Variants in ARHGAP15 observed in about 807,000 individuals in gnomAD.
ARHGAP15 encodes the protein Rho GTPase activating protein 15.
In ARHGAP15, 51 loss-of-function variants were observed where a neutral mutation model predicts 63.7. The ratio of observed to expected loss-of-function variants is 0.80; its 90% CI spans 0.64 to 1.01. The LOEUF (loss-of-function observed/expected upper bound fraction) is 1.01. Among genes scored for constraint, ARHGAP15 ranks in the 50% least tolerant of loss-of-function variants. ARHGAP15 has a pLI of 0.00. For missense variants in ARHGAP15, 560 were observed against 564.6 expected, an observed-to-expected ratio of 0.99 and a Z score of 0.08; for synonymous variants, 191 against 193.8, an observed-to-expected ratio of 0.99 and a Z score of 0.12.
intron 6 of ARHGAP15, among the ~76,000 whole-genome samples, chr2:143,327,525 C>T (rs1684311418): frequency 6.6e-6 from 1 of 152,140 alleles, no homozygotes; most frequent in African/African-American, 2.4e-5. Context: ...AACAAAACAG[C>T]TTGGTACTGG....
chr2:143,503,624 G>A (rs1197276848), intron 9 of ARHGAP15, among the ~76,000 whole-genome samples: 2 of 152,198 alleles, frequency 1.3e-5, no homozygotes, highest in East Asian at 3.8e-4. Flanking sequence ...TCACCTGACT[G>A]CAGAGAACAC....
At chr2:143,249,530 T>C (rs1206461796) in intron 5 of ARHGAP15, among the ~76,000 whole-genome samples, 4 of 152,124 alleles carry the variant, frequency 2.6e-5, no homozygotes, top group Non-Finnish European at 4.4e-5. Flanking sequence ...TCTGAAGTAT[T>C]TTATGGACAA....
chr2:143,465,642 A>G (rs966302895), intron 8 of ARHGAP15, among the ~76,000 whole-genome samples: 1 of 152,180 alleles, frequency 6.6e-6, no homozygotes, highest in African/African-American at 2.4e-5. Context: ...TGCATATATT[A>G]CATGAAAAAA....
chr2:143,744,367 C>T (rs373726361), intron 13 of ARHGAP15, among the ~76,000 whole-genome samples: 15 of 152,272 alleles, frequency 9.9e-5, no homozygotes, highest in African/African-American at 3.4e-4. Flanking sequence ...GGATGACTAC[C>T]GCTACTTGGC....
chr2:143,406,823 G>A (rs924590087), intron 6 of ARHGAP15, among the ~76,000 whole-genome samples: 2 of 151,742 alleles, frequency 1.3e-5, no homozygotes, highest in Non-Finnish European at 2.9e-5. Context: ...GAACACCATG[G>A]TCATTTAGGG....
At chr2:143,260,080 T>A (rs1208261316) in intron 6 of ARHGAP15, among the ~76,000 whole-genome samples, 1 of 152,156 alleles carries the variant, frequency 6.6e-6, no homozygotes, top group Non-Finnish European at 1.5e-5. Flanking sequence ...CAGAGGTTCA[T>A]AAATTTCTTC....
At chr2:143,528,185 C>G (rs923237752) in intron 10 of ARHGAP15, among the ~76,000 whole-genome samples, 10 of 152,040 alleles carry the variant, frequency 6.6e-5, no homozygotes, top group African/African-American at 2.2e-4. Context: ...CAATAGCCTG[C>G]TGTTTTTAAT....
Position 143,416,571 on chromosome 2 carries a change from G to A in ARHGAP15, c.475-19030G>A, listed in dbSNP as rs570582851. Among the ~76,000 whole-genome samples, 7 of 152,258 alleles carry A rather than the reference G, an allele frequency of 4.6e-5. 1 individual carries two copies. The South Asian group carries it at 8.3e-4, about 18-fold the overall frequency. On this transcript the variant is annotated intron_variant, in intron 6 of 13. Transcript: ENST00000295095. ...TGTTGTTGTCAATTTGCTTTGGTTT[G>A]TTTTCTAGCTGGTATCAAGCTGCTC...
At chr2:143,543,657 A>AAATATGTATGTGTATATATATG (rs1695201566) in intron 10 of ARHGAP15, among the ~76,000 whole-genome samples, 1 of 151,674 alleles carries the variant, frequency 6.6e-6, no homozygotes, top group African/African-American at 2.4e-5. Flanking sequence ...ATATATATAT[A>AAATATGTATGTGTATATATATG]TAAATATGTA....
intron 6 of ARHGAP15, among the ~76,000 whole-genome samples, chr2:143,263,993 T>A (rs1282975276): frequency 6.8e-6 from 1 of 148,104 alleles, no homozygotes; most frequent in Admixed American, 6.8e-5. Flanking sequence ...GGCTTGAGGT[T>A]TTTTTTCATC....
In ARHGAP15 at chr2:143,768,117, T is replaced by C. The variant is rs761950645; in HGVS notation, c.1373T>C (p.Ile458Thr). 6.2e-7 allele frequency: 1 copy of C among 1,613,868 alleles called. No individual in the cohort carries two copies. Among genetic ancestry groups the C allele is most frequent in the East Asian group, 2.2e-5 (1 of 44,868 alleles). ...MAIHMVYQNQ[I>T]AELMLSEYSK... is the part of the protein sequence containing the mutation. ...ATCCACATGGTCTACCAGAACCAGATAGCTGAGCTCATGCTGAGTGAGTAC... is the reference window on the plus strand; with the variant it reads ...ATCCACATGGTCTACCAGAACCAGACAGCTGAGCTCATGCTGAGTGAGTAC... The change falls in exon 14 of 14, where the codon ATA becomes ACA. Residue 458 changes from isoleucine (I) to threonine (T), a missense_variant. By Grantham distance (89) the Ile-to-Thr change is moderately conservative. Transcript: ENST00000295095.
chr2:143,278,239 TG>T (rs2105073293), intron 6 of ARHGAP15, among the ~76,000 whole-genome samples: 1 of 152,292 alleles, frequency 6.6e-6, no homozygotes, highest in South Asian at 2.1e-4. Context: ...AGAATGTTCG[TG>T]AAGACCTGAC....
intron 2 of ARHGAP15, among the ~76,000 whole-genome samples, chr2:143,173,314 A>T (rs915157662): frequency 6.6e-6 from 1 of 152,102 alleles, no homozygotes; most frequent in Non-Finnish European, 1.5e-5. Context: ...TTATATATTT[A>T]AATGTATGTT....
intron 13 of ARHGAP15, among the ~76,000 whole-genome samples, chr2:143,735,288 A>G (rs1446017798): frequency 6.6e-6 from 1 of 152,218 alleles, no homozygotes; most frequent in Non-Finnish European, 1.5e-5. Flanking sequence ...CAACTCAAAC[A>G]GTTTAGACAA....
chr2:143,721,018 A>T (rs1685031117), intron 13 of ARHGAP15, among the ~76,000 whole-genome samples: 1 of 134,992 alleles, frequency 7.4e-6, no homozygotes, highest in Non-Finnish European at 1.5e-5. Flanking sequence ...GTGAGCCGAG[A>T]GCCACTGCGC....
chr2:143,134,114 T>C (rs1319451238), intron 1 of ARHGAP15, among the ~76,000 whole-genome samples: 1 of 116,724 alleles, frequency 8.6e-6, no homozygotes, highest in Non-Finnish European at 1.7e-5. Context: ...AATCTATCTA[T>C]CTATCTATCT....
chr2:143,417,075 T>A (rs1205677467), intron 6 of ARHGAP15, among the ~76,000 whole-genome samples: 1 of 152,074 alleles, frequency 6.6e-6, no homozygotes, highest in Non-Finnish European at 1.5e-5. Flanking sequence ...AGGTGAAAAC[T>A]TCTTTGAAAA....
intron 10 of ARHGAP15, among the ~76,000 whole-genome samples, chr2:143,544,981 G>T (rs1695264918): frequency 6.6e-6 from 1 of 152,194 alleles, no homozygotes; most frequent in Admixed American, 6.5e-5. Flanking sequence ...ATGGTTAGGA[G>T]CACCTTCTTC....
Position 143,766,811 on chromosome 2 carries a change from T to C in ARHGAP15, c.1245-1178T>C, listed in dbSNP as rs537231614. On this transcript the variant is annotated intron_variant, in intron 13 of 13. Coordinates refer to ENST00000295095, the MANE Select transcript of ARHGAP15 (RefSeq NM_018460.4). Reference sequence around the variant, plus strand: ...ACTATCCAAGGTCTCAGGCATCCACTGGCGGCGGGATGGGGTTTCTGGAGA... The same window carrying C: ...ACTATCCAAGGTCTCAGGCATCCACCGGCGGCGGGATGGGGTTTCTGGAGA... 100 of 152,322 alleles carry C rather than the reference T, an allele frequency of 6.6e-4. 1 individual carries two copies. The highest frequency in any genetic ancestry group is 2.4e-3 in the African/African-American group (99 of 41,570). The allele number at this position is 152,322 out of a possible 1,614,324, so 9.4% of individuals were successfully genotyped here.
Sources: allele counts gnomAD v4.1 joint callset (sites outside exome capture counted in the v4.1 genomes callset), GRCh38; gene constraint gnomAD v4.1.1; transcripts MANE v1.5; gene names NCBI Gene and HGNC (gene_info 2026-07-23, HGNC 2026-07-21).